RB1: variants seen among roughly 807,000 people sequenced by gnomAD.
The protein encoded by RB1 is retinoblastoma-associated protein.
RB1 carries 18 observed loss-of-function variants against 135.4 expected under a neutral mutation model. The ratio of observed to expected loss-of-function variants is 0.13; its 90% CI spans 0.09 to 0.20. The LOEUF (loss-of-function observed/expected upper bound fraction) is 0.20. Among genes scored for constraint, RB1 ranks in the 10% least tolerant of loss-of-function variants. The pLI is 1.00. For missense variants in RB1, 868 were observed against 1,110.0 expected, an observed-to-expected ratio of 0.78 and a Z score of 3.10; for synonymous variants, 365 against 373.2, an observed-to-expected ratio of 0.98 and a Z score of 0.25.
intron 6 of RB1, among the ~76,000 whole-genome samples, chr13:48,350,406 A>G (rs1264927408): frequency 1.3e-5 from 2 of 152,158 alleles, no homozygotes; most frequent in East Asian, 1.9e-4. Flanking sequence ...AAATTAAACA[A>G]TATGCTCCTG....
intron 3 of RB1, among the ~76,000 whole-genome samples, chr13:48,344,396 TG>T (rs979783419): frequency 1.3e-5 from 2 of 151,936 alleles, no homozygotes; most frequent in Admixed American, 6.6e-5. Context: ...ATCCTTTGTG[TG>T]GGGGCAACCT....
rs1952218588 is a variant in RB1, at chr13:48,319,803, T to A, written c.264+12397T>A. On this transcript the variant is annotated intron_variant, in intron 2 of 26. Coordinates refer to ENST00000267163, the MANE Select transcript of RB1 (RefSeq NM_000321.3). This position sits in a 1 kb window ranked among gnomAD's most constrained non-coding sequence, Gnocchi z 5.0. ...TCTTCTCATTCAGAAGCTGTTCTATTTCCGCCTTAATGCTCTGCTCGAAGG... is the reference window on the plus strand; with the variant it reads ...TCTTCTCATTCAGAAGCTGTTCTATATCCGCCTTAATGCTCTGCTCGAAGG... The A allele has an allele frequency of 3.4e-6, 1 of 297,732 alleles. No individual in the cohort carries two copies. The highest frequency in any genetic ancestry group is 3.7e-5 in the Admixed American group (1 of 27,266). The allele number at this position is 297,732 out of a possible 1,614,324, so 18.4% of individuals were successfully genotyped here.
In RB1 at chr13:48,411,284, G is replaced by A; in HGVS notation, c.1695+29841G>A. The A allele has an allele frequency of 5.6e-6, 5 of 899,394 alleles. No homozygotes were observed. In the Admixed American group the frequency reaches 7.0e-5, roughly 13 times the overall value. The allele number at this position is 899,394 out of a possible 1,614,324, so 55.7% of individuals were successfully genotyped here. On this transcript the variant is annotated intron_variant, in intron 17 of 26. Transcript: ENST00000267163. ...ATACTAAAGACTTTAAAATGTCCAT[G>A]TGTTAATTTCTTTTGGAGGTGGAAA... is the stretch of plus-strand genomic sequence containing the variant.
intron 2 of RB1, among the ~76,000 whole-genome samples, chr13:48,334,699 T>A (rs1173799333): frequency 1.3e-5 from 2 of 152,196 alleles, no homozygotes; most frequent in African/African-American, 4.8e-5. Context: ...TTTCTGATAG[T>A]TCCAGGATGA....
chr13:48,304,196 G>A, intron 1 of RB1, 147 bp downstream of exon 1: 1 of 929,994 alleles, frequency 1.1e-6, no homozygotes, highest in Non-Finnish European at 1.4e-6. Flanking sequence ...CCCCGCCACG[G>A]CGGAGCGTCT....
chr13:48,441,884 T>C (rs1949240469), intron 17 of RB1, among the ~76,000 whole-genome samples: 1 of 152,198 alleles, frequency 6.6e-6, no homozygotes, highest in Non-Finnish European at 1.5e-5. Flanking sequence ...CATTTAATTA[T>C]AGGACCTATT....
At chr13:48,322,139 A>C (rs1484028591) in intron 2 of RB1, among the ~76,000 whole-genome samples, 1 of 152,148 alleles carries the variant, frequency 6.6e-6, no homozygotes, top group African/African-American at 2.4e-5. Context: ...TCCACATATA[A>C]ATGAGATCAT....
At chr13:48,330,877 T>A (rs1032605633) in intron 2 of RB1, among the ~76,000 whole-genome samples, 1 of 152,202 alleles carries the variant, frequency 6.6e-6, no homozygotes, top group African/African-American at 2.4e-5. Context: ...ATATCCCTGA[T>A]GAACATATGT....
chr13:48,360,144 T>C lies in RB1; in HGVS notation c.718+17T>C, dbSNP rs978425301. The C allele has an allele frequency of 4.3e-6, 7 of 1,611,680 alleles. No individual in the cohort carries two copies. Among genetic ancestry groups the C allele is most frequent in the Non-Finnish European group, 5.1e-6 (6 of 1,178,824 alleles). ...AACCATATAGTAAGTATTTAATTTA[T>C]GCCCCTTTTACTTTCTCATTCAGCA... On this transcript the variant is annotated intron_variant, in intron 7 of 26. Transcript: ENST00000267163.
chr13:48,380,350 C>T (rs1423266776), intron 16 of RB1, 109 bp downstream of exon 16: 2 of 826,166 alleles, frequency 2.4e-6, no homozygotes, highest in Admixed American at 4.5e-5. Context: ...AGAAGGAATG[C>T]TTATTTTAGA....
In RB1 at chr13:48,380,164, G is replaced by A. The variant is rs1461382798; in HGVS notation, c.1422-1G>A. The A allele has an allele frequency of 6.4e-7, 1 of 1,560,686 alleles. No individual in the cohort carries two copies. The highest frequency in any genetic ancestry group is 8.7e-7 in the Non-Finnish European group (1 of 1,155,830). ...TTATAATCTTTTTTTTTTTCCTTTA[G>A]CAAACTTCTGAATGACAACATTTTT... is the stretch of plus-strand genomic sequence containing the variant. On this transcript the variant is annotated splice_acceptor_variant, in intron 15 of 26. Coordinates refer to ENST00000267163, the MANE Select transcript of RB1 (RefSeq NM_000321.3). LOFTEE classifies it high-confidence loss of function.
intron 17 of RB1, among the ~76,000 whole-genome samples, chr13:48,435,122 A>G (rs1016235785): frequency 6.6e-6 from 1 of 152,198 alleles, no homozygotes; most frequent in Non-Finnish European, 1.5e-5. Flanking sequence ...ATTTTCTTTG[A>G]TAAAAGACTG....
intron 17 of RB1, among the ~76,000 whole-genome samples, chr13:48,436,285 G>A (rs565924957): frequency 6.6e-6 from 1 of 152,264 alleles, no homozygotes; most frequent in African/African-American, 2.4e-5. Context: ...TTGGAAATAT[G>A]GATCTAGAAC....
At chr13:48,436,472 A>C (rs1425568322) in intron 17 of RB1, among the ~76,000 whole-genome samples, 1 of 152,080 alleles carries the variant, frequency 6.6e-6, no homozygotes, top group Admixed American at 6.6e-5. Flanking sequence ...GTGAAACCTC[A>C]TCTCTACTAA....
chr13:48,402,039 C>A (rs918632477), intron 17 of RB1, among the ~76,000 whole-genome samples: 1 of 151,852 alleles, frequency 6.6e-6, no homozygotes, highest in African/African-American at 2.4e-5. Flanking sequence ...TAGGTTTTAT[C>A]ATTTAGTTTT....
In RB1 at chr13:48,464,978, T is replaced by TTTA; in HGVS notation, c.2212-18_2212-17insATT. On this transcript the variant is annotated intron_variant, in intron 21 of 26. Transcript: ENST00000267163. The stretch of plus-strand genomic sequence containing the variant: ...TTTTACTTTTTTTTTTTTTTTTTTT[T>TTTA]TTTTACTGTTCTTCCTCAGACATTC... The TTTA allele has an allele frequency of 6.9e-7, 1 of 1,452,596 alleles. No homozygotes were observed. Among genetic ancestry groups the TTTA allele is most frequent in the South Asian group, 1.3e-5 (1 of 74,546 alleles). The allele number at this position is 1,452,596 out of a possible 1,614,324, so 90.0% of individuals were successfully genotyped here.
chr13:48,394,438 G>A (rs1948632716), intron 17 of RB1, among the ~76,000 whole-genome samples: 2 of 152,190 alleles, frequency 1.3e-5, no homozygotes, highest in South Asian at 4.1e-4. Flanking sequence ...CTGAAGCCAG[G>A]GAGCCAAGTG....
intron 17 of RB1, among the ~76,000 whole-genome samples, chr13:48,448,115 TTAA>T (rs540679878): frequency 6.6e-6 from 1 of 152,190 alleles, no homozygotes; most frequent in South Asian, 2.1e-4. Context: ...ACCATTTTAG[TTAA>T]AGATTTTCAA....
rs537485033 is a variant in RB1 at position 48,425,933 on chromosome 13, G to C, written c.1696-27060G>C. Among the ~76,000 whole-genome samples, 8 of 152,324 alleles carry C rather than the reference G, an allele frequency of 5.3e-5. No individual in the cohort carries two copies. In the East Asian group the frequency reaches 1.5e-3, roughly 29 times the overall value. On this transcript the variant is annotated intron_variant, in intron 17 of 26. Coordinates refer to ENST00000267163, the MANE Select transcript of RB1 (RefSeq NM_000321.3). ...GCTTAGGATTACAAAGTGATTATTG[G>C]TGGAGAATGACGAAGTCAAAACTAA... is the stretch of plus-strand genomic sequence containing the variant.
Sources: allele counts gnomAD v4.1 joint callset (sites outside exome capture counted in the v4.1 genomes callset), GRCh38; gene constraint gnomAD v4.1.1; non-coding constraint Gnocchi (gnomAD v3.1); transcripts MANE v1.5; gene names NCBI Gene and HGNC (gene_info 2026-07-23, HGNC 2026-07-21).